SYN3: variants seen among roughly 807,000 people sequenced by gnomAD.
SYN3 encodes synapsin-3.
Under a neutral mutation model 65.8 loss-of-function variants are expected in SYN3, and 35 were observed. The ratio of observed to expected loss-of-function variants is 0.53; its 90% CI spans 0.41 to 0.70. SYN3 has a LOEUF of 0.70. SYN3 is among the 30% of genes least tolerant of loss of function. SYN3 has a pLI of 0.00. For synonymous variants in SYN3, 270 were observed against 292.9 expected (o/e 0.92, Z 0.80); for missense variants, 680 against 749.0 (o/e 0.91, Z 1.08).
At chr22:32,890,792 A>G (rs977042187) in intron 4 of SYN3, among the ~76,000 whole-genome samples, 6 of 152,090 alleles carry the variant, frequency 3.9e-5, no homozygotes, top group African/African-American at 1.5e-4. Context: ...TCATTGATTT[A>G]TAATAACTAT....
chr22:32,994,366 A>G (rs984945296), intron 2 of SYN3, among the ~76,000 whole-genome samples: 1 of 152,116 alleles, frequency 6.6e-6, no homozygotes, highest in Admixed American at 6.5e-5. Flanking sequence ...AATGAAGTCC[A>G]GAGCCCCTCC....
chr22:33,030,898 CAG>C (rs1021184779), intron 1 of SYN3, among the ~76,000 whole-genome samples: 4 of 151,914 alleles, frequency 2.6e-5, no homozygotes, highest in African/African-American at 7.3e-5. Flanking sequence ...GAGATAGAGA[CAG>C]AGAGTGATAG....
At chr22:32,699,670 G>A (rs1339659199) in intron 6 of SYN3, among the ~76,000 whole-genome samples, 5 of 152,104 alleles carry the variant, frequency 3.3e-5, no homozygotes, top group African/African-American at 7.2e-5. Context: ...ATTCATTTCT[G>A]GATAAAGCTG....
chr22:32,857,797 T>C (rs2048413429), intron 6 of SYN3, among the ~76,000 whole-genome samples: 1 of 152,186 alleles, frequency 6.6e-6, no homozygotes, highest in Non-Finnish European at 1.5e-5. Context: ...TTGGGACCTT[T>C]GGCAAATCAC....
chr22:32,572,379 CA>C (rs2058779450), intron 7 of SYN3, among the ~76,000 whole-genome samples: 85 of 96,866 alleles, frequency 8.8e-4, no homozygotes, highest in East Asian at 2.1e-3. Flanking sequence ...CCCTCCCTCC[CA>C]TCTTTCCTTC....
At chr22:32,864,589 C>G (rs2048636741) in intron 6 of SYN3, 1 of 185,600 alleles carries the variant, frequency 5.4e-6, no homozygotes, top group Non-Finnish European at 1.1e-5. Flanking sequence ...AACAACATCC[C>G]ACCTTGAAAA....
chr22:32,732,900 A>G (rs766650955), intron 6 of SYN3, among the ~76,000 whole-genome samples: 3 of 152,240 alleles, frequency 2.0e-5, no homozygotes, highest in Non-Finnish European at 4.4e-5. Context: ...AGCTATTTCC[A>G]TAAGTCTTAT....
intron 6 of SYN3, among the ~76,000 whole-genome samples, chr22:32,647,757 C>T (rs185672351): frequency 2.1e-4 from 32 of 152,146 alleles, no homozygotes; most frequent in African/African-American, 6.0e-4. Flanking sequence ...TACAGGTGCG[C>T]GCCACCATAT....
At chr22:32,735,031 G>A (rs979352880) in intron 6 of SYN3, among the ~76,000 whole-genome samples, 2 of 152,164 alleles carry the variant, frequency 1.3e-5, no homozygotes, top group African/African-American at 4.8e-5. Flanking sequence ...AGGGGCAATT[G>A]CGCAGGATTT....
intron 6 of SYN3, among the ~76,000 whole-genome samples, chr22:32,641,853 G>C (rs1245781283): frequency 6.6e-6 from 1 of 152,092 alleles, no homozygotes; most frequent in African/African-American, 2.4e-5. Flanking sequence ...AAACGAAAAA[G>C]TGCTTCCTGA....
rs544768787 is a variant in SYN3 at position 32,984,451 on chromosome 22, C to A, written c.312-3749G>T. ...GGATTGCCCAGACCACGTGGCCAAG[C>A]TTCATCTACTCCCTTCCCCTCCCCA... On this transcript the variant is annotated intron_variant, in intron 2 of 13. Coordinates refer to ENST00000358763, the MANE Select transcript of SYN3 (RefSeq NM_003490.4). 3.9e-5 allele frequency among the ~76,000 whole-genome samples: 6 copies of A among 152,284 alleles called. No homozygotes were observed. In the South Asian group the frequency reaches 6.2e-4, roughly 16 times the overall value.
chr22:32,945,561 A>T (rs2051082477), intron 3 of SYN3, among the ~76,000 whole-genome samples: 1 of 152,044 alleles, frequency 6.6e-6, no homozygotes. Context: ...TAAAGACTTA[A>T]ATGTTAGACC....
chr22:32,544,215 C>T (rs1295704652), intron 7 of SYN3, among the ~76,000 whole-genome samples: 1 of 152,218 alleles, frequency 6.6e-6, no homozygotes, highest in African/African-American at 2.4e-5. Flanking sequence ...TGGGATTACA[C>T]ACTCGAGCCA....
intron 6 of SYN3, among the ~76,000 whole-genome samples, chr22:32,647,197 A>G (rs2059995852): frequency 6.6e-6 from 1 of 151,970 alleles, no homozygotes; most frequent in African/African-American, 2.4e-5. Context: ...CTGCATGTCT[A>G]TGAGTTCCAA....
chr22:32,984,084 C>T (rs1365840358), intron 2 of SYN3, among the ~76,000 whole-genome samples: 1 of 146,666 alleles, frequency 6.8e-6, no homozygotes, highest in Admixed American at 7.0e-5. Context: ...ATCGCTTGAA[C>T]CTGGGAGGCA....
intron 6 of SYN3, among the ~76,000 whole-genome samples, chr22:32,614,388 T>C (rs1449873113): frequency 6.6e-6 from 1 of 152,226 alleles, no homozygotes; most frequent in Non-Finnish European, 1.5e-5. Flanking sequence ...TCACTCCAGC[T>C]CCTTCCTGGG....
chr22:32,779,010 G>A (rs535904578), intron 6 of SYN3, among the ~76,000 whole-genome samples: 7 of 152,300 alleles, frequency 4.6e-5, no homozygotes, highest in South Asian at 2.1e-4. Flanking sequence ...GCTCAAGACA[G>A]ACATAGTCCC....
chr22:32,644,567 G>C (rs944994185), intron 6 of SYN3, among the ~76,000 whole-genome samples: 1 of 152,176 alleles, frequency 6.6e-6, no homozygotes, highest in African/African-American at 2.4e-5. Context: ...CTGGGCTGGC[G>C]GATGGACTGA....
At position 32,969,390 on chromosome 22, in the gene SYN3, T is replaced by C. The variant is rs572124165; in HGVS notation, c.369+11255A>G. Among the ~76,000 whole-genome samples the C allele has an allele frequency of 3.7e-4, 56 of 152,316 alleles. 1 individual carries two copies. The South Asian group carries it at 0.011, about 30-fold the overall frequency. ...CAGCCCTCGCTGCTTGGAGCTCTCC[T>C]TTGGCTATCAGCTATGGTTCAGCAC... On this transcript the variant is annotated intron_variant, in intron 3 of 13. Transcript: ENST00000358763.
Sources: gnomAD v4.1 joint callset for allele counts (sites outside exome capture counted in the v4.1 genomes callset) on GRCh38, gnomAD v4.1.1 for gene constraint, MANE v1.5 for transcripts, NCBI Gene and HGNC (gene_info 2026-07-23, HGNC 2026-07-21) for gene names.